The following RBFOX1 variants were observed in gnomAD, a reference collection of about 807,000 sequenced individuals.
The protein encoded by RBFOX1 is RNA binding protein fox-1 homolog 1.
Under a neutral mutation model 57.7 loss-of-function variants are expected in RBFOX1, and 8 were observed. The observed-to-expected ratio is 0.14, with a 90% CI of 0.08 to 0.25. The LOEUF (loss-of-function observed/expected upper bound fraction) is 0.25. RBFOX1 is among the 10% of genes least tolerant of loss of function. The pLI, the probability that RBFOX1 is intolerant of heterozygous loss-of-function variation, is 1.00. For missense variants in RBFOX1, 611 were observed against 548.5 expected, an observed-to-expected ratio of 1.11 and a Z score of -1.14; for synonymous variants, 326 against 222.4, an observed-to-expected ratio of 1.47 and a Z score of -4.15.
chr16:7,395,608 G>C lies in RBFOX1; in HGVS notation c.28-122539G>C, dbSNP rs1019996057. Among the ~76,000 whole-genome samples the C allele has an allele frequency of 2.0e-5, 3 of 152,174 alleles. No homozygotes were observed. The East Asian group carries it at 5.8e-4, about 29-fold the overall frequency. Reference sequence around the variant, plus strand: ...GACAAAAGCTTATTACCTTTGTTGTGGGGATTGAGGGGGTGTTTGCAGGTT... The same window carrying C: ...GACAAAAGCTTATTACCTTTGTTGTCGGGATTGAGGGGGTGTTTGCAGGTT... On this transcript the variant is annotated intron_variant, in intron 4 of 15. Coordinates refer to ENST00000550418, the MANE Select transcript of RBFOX1 (RefSeq NM_018723.4).
intron 11 of RBFOX1, among the ~76,000 whole-genome samples, chr16:7,642,622 A>G (rs1303392652): frequency 6.6e-6 from 1 of 152,216 alleles, no homozygotes; most frequent in Non-Finnish European, 1.5e-5. Context: ...TAGAACATGA[A>G]TGATTTAACA....
rs1187655051 is a variant in RBFOX1, at chr16:6,724,449, C to T, written c.-16+69799C>T. On this transcript the variant is annotated intron_variant, in intron 3 of 15. Transcript: ENST00000550418. ...TCTCGAACTCCTGACCTCAGGTGATCCACCCACCTCGTCCTCCCAAAGTGC... is the reference window on the plus strand; with the variant it reads ...TCTCGAACTCCTGACCTCAGGTGATTCACCCACCTCGTCCTCCCAAAGTGC... Among the ~76,000 whole-genome samples, 2 of 151,982 alleles carry T rather than the reference C, an allele frequency of 1.3e-5. 1 individual carries two copies. Among genetic ancestry groups the T allele is most frequent in the South Asian group, 4.1e-4 (2 of 4,824 alleles).
Position 6,062,745 on chromosome 16 carries a change from C to T in RBFOX1, c.-127+42753C>T, listed in dbSNP as rs562255405. ...TATCACTATCTCAAGACATGTATCT[C>T]TTTGACTATCACTGTGTGGAGATAT... On this transcript the variant is annotated intron_variant, in intron 1 of 15. Transcript: ENST00000550418. Among the ~76,000 whole-genome samples, 226 of 151,794 alleles carry T rather than the reference C, an allele frequency of 1.5e-3. 3 individuals are homozygous for T. Among genetic ancestry groups the T allele is most frequent in the Non-Finnish European group, 2.6e-3 (176 of 67,974 alleles).
At chr16:5,320,964 C>G (rs114028895) in intron 1 of RBFOX1, among the ~76,000 whole-genome samples, 2 of 152,202 alleles carry the variant, frequency 1.3e-5, no homozygotes, top group African/African-American at 4.8e-5. Context: ...CACAGAACAG[C>G]TGTCCTGGGG....
chr16:6,140,256 A>G (rs959777427), intron 1 of RBFOX1, among the ~76,000 whole-genome samples: 2 of 151,366 alleles, frequency 1.3e-5, no homozygotes, highest in Non-Finnish European at 2.9e-5. Context: ...CAGTGACTCA[A>G]TCTTGGCTCA....
chr16:5,488,951 C>T (rs72761030), intron 2 of RBFOX1, among the ~76,000 whole-genome samples: 1,757 of 152,298 alleles, frequency 0.012, 22 homozygotes, highest in Non-Finnish European at 0.02. Context: ...TTCTGGTAAG[C>T]AGTTTAAATA....
chr16:7,236,419 C>A (rs983526706), intron 4 of RBFOX1, among the ~76,000 whole-genome samples: 3 of 152,142 alleles, frequency 2.0e-5, no homozygotes, highest in Admixed American at 1.3e-4. Flanking sequence ...ACATGCACAA[C>A]ATCTGGCCTT....
chr16:5,741,962 T>A (rs1036942534), intron 3 of RBFOX1, among the ~76,000 whole-genome samples: 1 of 152,232 alleles, frequency 6.6e-6, no homozygotes, highest in South Asian at 2.1e-4. Context: ...AATGCTATCA[T>A]TGACTAGAAA....
chr16:5,405,631 A>T (rs1313341009), intron 1 of RBFOX1, among the ~76,000 whole-genome samples: 3 of 152,268 alleles, frequency 2.0e-5, no homozygotes, highest in Admixed American at 6.5e-5. Flanking sequence ...AAATGAGTTC[A>T]TGAATAAATC....
At chr16:6,933,970 A>G (rs1038963428) in intron 3 of RBFOX1, among the ~76,000 whole-genome samples, 11 of 152,206 alleles carry the variant, frequency 7.2e-5, no homozygotes, top group Admixed American at 7.2e-4. Context: ...ACTTATCACT[A>G]AAGTTAATGC....
chr16:7,368,960 T>A (rs1047211498), intron 4 of RBFOX1, among the ~76,000 whole-genome samples: 3 of 151,992 alleles, frequency 2.0e-5, no homozygotes, highest in Admixed American at 1.3e-4. Context: ...GAATCTTTCT[T>A]TTTTTTAACA....
chr16:6,691,315 G>A (rs111919801), intron 3 of RBFOX1, among the ~76,000 whole-genome samples: 8 of 152,046 alleles, frequency 5.3e-5, no homozygotes, highest in South Asian at 2.1e-4. Flanking sequence ...CTTTAAGCCC[G>A]TAATAAACAT....
At chr16:7,121,510 A>G (rs892129851) in intron 4 of RBFOX1, among the ~76,000 whole-genome samples, 3 of 152,082 alleles carry the variant, frequency 2.0e-5, no homozygotes, top group African/African-American at 7.2e-5. Flanking sequence ...AAATATAACA[A>G]ACATATAAGA....
At chr16:6,576,382 A>G (rs534087732) in intron 2 of RBFOX1, among the ~76,000 whole-genome samples, 3 of 152,312 alleles carry the variant, frequency 2.0e-5, no homozygotes, top group South Asian at 4.1e-4. Context: ...CTACGCAGAC[A>G]TGGGGAGAAG....
chr16:5,439,727 G>C (rs113956431), intron 1 of RBFOX1, among the ~76,000 whole-genome samples: 67 of 152,250 alleles, frequency 4.4e-4, no homozygotes, highest in African/African-American at 1.6e-3. Flanking sequence ...TTACAGGTTT[G>C]AGCCACTGTC....
chr16:6,958,436 G>A lies in RBFOX1; in HGVS notation c.-15-93621G>A, dbSNP rs150189269. Among the ~76,000 whole-genome samples the A allele has an allele frequency of 2.2e-3, 328 of 152,144 alleles. 3 individuals are homozygous for A. The highest frequency in any genetic ancestry group is 7.6e-3 in the African/African-American group (316 of 41,504). On this transcript the variant is annotated intron_variant, in intron 3 of 15. Transcript: ENST00000550418. ...ATCGGGTATCATTAATAAAGCATTG[G>A]GCAAGGACCTTCTCGCAATTCCTCG... is the stretch of plus-strand genomic sequence containing the variant.
chr16:7,099,037 T>G (rs1321829412), intron 4 of RBFOX1, among the ~76,000 whole-genome samples: 1 of 152,168 alleles, frequency 6.6e-6, no homozygotes, highest in Non-Finnish European at 1.5e-5. Context: ...TCTTGTTAAA[T>G]AGTTCACAAA....
chr16:6,639,474 C>G (rs76206161), intron 2 of RBFOX1, among the ~76,000 whole-genome samples: 1 of 151,770 alleles, frequency 6.6e-6, no homozygotes, highest in Non-Finnish European at 1.5e-5. Flanking sequence ...AGTAATGACC[C>G]GGAGGAATTA....
intron 2 of RBFOX1, among the ~76,000 whole-genome samples, chr16:6,647,767 G>A (rs901188109): frequency 6.6e-6 from 1 of 152,050 alleles, no homozygotes; most frequent in Non-Finnish European, 1.5e-5. Context: ...ATGGGATCTT[G>A]CTCTGTCACT....
Sources: gnomAD v4.1 joint callset for allele counts (sites outside exome capture counted in the v4.1 genomes callset) on GRCh38, gnomAD v4.1.1 for gene constraint, MANE v1.5 for transcripts, NCBI Gene and HGNC (gene_info 2026-07-23, HGNC 2026-07-21) for gene names.